LSR: variants seen among roughly 807,000 people sequenced by gnomAD.
LSR encodes the protein lipolysis stimulated lipoprotein receptor.
A neutral mutation model predicts 61.8 loss-of-function variants in LSR; 44 were observed. The observed-to-expected ratio is 0.71, with a 90% CI of 0.56 to 0.91. The LOEUF (loss-of-function observed/expected upper bound fraction) is 0.91. Ranked by LOEUF, LSR falls within the 40% of genes least tolerant of loss-of-function variation. LSR has a pLI of 0.00. For synonymous variants in LSR, 397 were observed against 350.6 expected, an observed-to-expected ratio of 1.13 and a Z score of -1.48; for missense variants, 911 against 830.5, an observed-to-expected ratio of 1.10 and a Z score of -1.19.
chr19:35,267,627 AGGAGGAGACCCCACAAGGAGGAGGAGG>A lies in LSR; in HGVS notation c.1664_1690del (p.Arg555_Glu564delinsLys), dbSNP rs2066038750. 1 of 1,611,812 alleles carries A rather than the reference AGGAGGAGACCCCACAAGGAGGAGGAGG, an allele frequency of 6.2e-7. No homozygotes were observed. The highest frequency in any genetic ancestry group is 1.7e-5 in the Admixed American group (1 of 59,880). On this transcript the variant is annotated inframe_deletion, in exon 9 of 10. Coordinates refer to ENST00000605618, the MANE Select transcript of LSR (RefSeq NM_205834.4). ...TGTGAGGAAGAAGGGGTCGGAGGAG[AGGAGGAGACCCCACAAGGAGGAGGAGG>A]AAGAGGCCTACTACCCGCCCGCGCC...
chr19:35,266,202 T>C (rs970383376), intron 5 of LSR, among the ~76,000 whole-genome samples, 157 bp from the exon 6 acceptor site: 2 of 152,184 alleles, frequency 1.3e-5, no homozygotes, highest in East Asian at 1.9e-4. Context: ...AGAAATGGAA[T>C]GAGGACCAAC....
intron 5 of LSR, among the ~76,000 whole-genome samples, chr19:35,265,744 T>C (rs2065988847): frequency 6.6e-6 from 1 of 152,122 alleles, no homozygotes; most frequent in Non-Finnish European, 1.5e-5. Context: ...AGGAGACACT[T>C]TGCTGCTTGG....
chr19:35,250,255 C>G (rs550867381), intron 1 of LSR, 60 bp from the exon 2 acceptor site: 108 of 1,155,838 alleles, frequency 9.3e-5, no homozygotes, highest in Middle Eastern at 2.1e-4. Flanking sequence ...AGGTGGCGTT[C>G]CTGTTGAAGC....
rs776723975 is a variant in LSR, at chr19:35,267,502, C to G, written c.1538C>G (p.Pro513Arg). 1.9e-6 allele frequency: 3 copies of G among 1,611,526 alleles called. No individual in the cohort carries two copies. Among genetic ancestry groups the G allele is most frequent in the South Asian group, 2.2e-5 (2 of 90,956 alleles). The stretch of plus-strand genomic sequence containing the variant: ...GACTTCAGGTCTCGGGAGCGCCCTC[C>G]TGCCGACCCCAGGTCCCACCACCAC... The part of the protein sequence containing the change: ...YDDFRSRERP[P>R]ADPRSHHHRT... The change falls in exon 9 of 10, where the codon CCT becomes CGT. Residue 513 changes from proline to arginine, a missense_variant. Physicochemically the swap from Pro to Arg is moderately radical, Grantham distance 103 (BLOSUM62 -2). Transcript: ENST00000605618.
rs1415382149 is a variant in LSR, at chr19:35,267,665, C to G, written c.1701C>G (p.Tyr567Ter). The G allele has an allele frequency of 6.2e-7, 1 of 1,605,886 alleles. No individual in the cohort carries two copies. Among genetic ancestry groups the G allele is most frequent in the Non-Finnish European group, 8.5e-7 (1 of 1,176,838 alleles). Residue 567 changes from tyrosine to a stop codon, truncating the protein, a stop_gained, in exon 9 of 10, where the codon TAC (tyrosine) becomes TAG (stop). Coordinates refer to ENST00000605618, the MANE Select transcript of LSR (RefSeq NM_205834.4). LOFTEE classifies it high-confidence loss of function. ...ACAAGGAGGAGGAGGAAGAGGCCTA[C>G]TACCCGCCCGCGCCGCCCCCGTACT... ...RPHKEEEEEAYYPPAPPPYSE... is the reference protein window; with the variant it reads ...RPHKEEEEEA
rs373039053 is a variant in LSR, at chr19:35,267,695, G to C, written c.1731G>C (p.Glu577Asp). 4 of 1,602,802 alleles carry C rather than the reference G, an allele frequency of 2.5e-6. No homozygotes were observed. The African/African-American group carries it at 4.1e-5, about 16-fold the overall frequency. ...YYPPAPPPYS[E>D]TDSQASRERR... ...CGCCCGCGCCGCCCCCGTACTCGGA[G>C]ACCGACTCGCAGGCGTCCCGAGAGC... is the stretch of plus-strand genomic sequence containing the variant. Residue 577 changes from glutamate to aspartate, a missense_variant, in exon 9 of 10, where the codon GAG (glutamate) becomes GAC (aspartate). Glu to Asp is a conservative substitution (Grantham distance 45, BLOSUM62 2). Coordinates refer to ENST00000605618, the MANE Select transcript of LSR (RefSeq NM_205834.4).
chr19:35,267,726 C>A lies in LSR; in HGVS notation c.1762C>A (p.Leu588Ile). 1 of 1,608,032 alleles carries A rather than the reference C, an allele frequency of 6.2e-7. No homozygotes were observed. The highest frequency in any genetic ancestry group is 8.5e-7 in the Non-Finnish European group (1 of 1,178,040). ...CTCGCAGGCGTCCCGAGAGCGCAGG[C>A]TCAAGAAGGTGAGGGCCGCCCTCCC... is the stretch of plus-strand genomic sequence containing the variant. The part of the protein sequence containing the change: ...TDSQASRERR[L>I]KKNLALSRES... The change falls in exon 9 of 10, where the codon CTC becomes ATC. Residue 588 changes from leucine to isoleucine, a missense_variant. Transcript: ENST00000605618.
In LSR at chr19:35,261,986, G is replaced by T; in HGVS notation, c.631+5G>T. 1.3e-6 allele frequency: 2 copies of T among 1,516,702 alleles called. No individual in the cohort carries two copies. Among genetic ancestry groups the T allele is most frequent in the South Asian group, 2.7e-5 (2 of 74,568 alleles). The allele number at this position is 1,516,702 out of a possible 1,614,324, so 94.0% of individuals were successfully genotyped here. A position where few individuals can be genotyped will look rare whatever the true frequency, so the allele number is the denominator to read the frequency against. ...TTCAGGCGGGGCCCATAGAAGGTAC[G>T]GGGGGTGGATCCTGAGTTGGGCTTC... On this transcript the variant is annotated splice_donor_5th_base_variant and intron_variant, in intron 4 of 9. Coordinates refer to ENST00000605618, the MANE Select transcript of LSR (RefSeq NM_205834.4).
chr19:35,249,263 T>G, intron 1 of LSR, 132 bp downstream of exon 1: 1 of 1,163,712 alleles, frequency 8.6e-7, no homozygotes, highest in Non-Finnish European at 1.2e-6. Context: ...CCCTGGGTCT[T>G]GGGCGATCTG....
chr19:35,249,305 T>A, intron 1 of LSR, 174 bp downstream of exon 1: 1 of 736,530 alleles, frequency 1.4e-6, no homozygotes, highest in Non-Finnish European at 2.0e-6. Flanking sequence ...ATTCCCCATT[T>A]GTGCCGGGGA....
At chr19:35,262,814 G>T (rs2065948187) in intron 5 of LSR, 122 bp downstream of exon 5, 17 of 1,251,056 alleles carry the variant, frequency 1.4e-5, no homozygotes, top group Non-Finnish European at 1.9e-5. Flanking sequence ...TTTAGCCAGT[G>T]GGGAGAAAGT....
intron 2 of LSR, among the ~76,000 whole-genome samples, chr19:35,251,238 C>A (rs756112309): frequency 6.6e-6 from 1 of 152,160 alleles, no homozygotes; most frequent in African/African-American, 2.4e-5. Flanking sequence ...CCACTTCCCT[C>A]GTGGAGCCCA....
chr19:35,258,459 A>AC (rs72407367), intron 2 of LSR, among the ~76,000 whole-genome samples: 8 of 94,206 alleles, frequency 8.5e-5, no homozygotes, highest in South Asian at 5.9e-4. Flanking sequence ...TTCAAACAAA[A>AC]AAAAAAAAAA....
chr19:35,256,983 C>T (rs1415349430), intron 2 of LSR, among the ~76,000 whole-genome samples: 2 of 151,992 alleles, frequency 1.3e-5, no homozygotes, highest in African/African-American at 4.8e-5. Flanking sequence ...ACTACAGGTG[C>T]GTGCCACCAT....
At chr19:35,256,408 A>G (rs1192732737) in intron 2 of LSR, among the ~76,000 whole-genome samples, 1 of 152,238 alleles carries the variant, frequency 6.6e-6, no homozygotes, top group East Asian at 1.9e-4. Flanking sequence ...TGTGAATGAG[A>G]AGGTGGCATG....
intron 2 of LSR, among the ~76,000 whole-genome samples, chr19:35,254,252 C>A (rs2065830060): frequency 6.6e-6 from 1 of 152,174 alleles, no homozygotes; most frequent in Admixed American, 6.5e-5. Context: ...CACCACCACA[C>A]CTGGCTAATT....
Position 35,249,024 on chromosome 19 carries a change from TGGC to T in LSR, c.4_6del (p.Ala2?). The T allele has an allele frequency of 6.2e-7, 1 of 1,603,792 alleles. No homozygotes were observed. The highest frequency in any genetic ancestry group is 8.5e-7 in the Non-Finnish European group (1 of 1,175,742). ...GCCAGACGCGCCCAGACGGCCGCGA[TGGC>T]GCTGTTGGCCGGCGGGCTCTCCAGA... On this transcript the variant is annotated start_lost and inframe_deletion, in exon 1 of 10. Coordinates refer to ENST00000605618, the MANE Select transcript of LSR (RefSeq NM_205834.4).
At chr19:35,253,823 T>C (rs1459711206) in intron 2 of LSR, among the ~76,000 whole-genome samples, 1 of 152,110 alleles carries the variant, frequency 6.6e-6, no homozygotes, top group African/African-American at 2.4e-5. Context: ...ACAAGCCAAA[T>C]ACTGAGGGTG....
intron 2 of LSR, among the ~76,000 whole-genome samples, chr19:35,258,446 C>T (rs1055012949): frequency 9.8e-5 from 13 of 132,416 alleles, no homozygotes; most frequent in Admixed American, 4.1e-4. Context: ...AGTGAAACTC[C>T]GATTCAAACA....
Sources: allele counts gnomAD v4.1 joint callset (sites outside exome capture counted in the v4.1 genomes callset), GRCh38; gene constraint gnomAD v4.1.1; transcripts MANE v1.5; gene names NCBI Gene and HGNC (gene_info 2026-07-23, HGNC 2026-07-21).